Variants in PIK3C2G observed in about 807,000 individuals in gnomAD.
PIK3C2G encodes phosphatidylinositol-4-phosphate 3-kinase catalytic subunit type 2 gamma, also known as phosphatidylinositol 3-kinase C2 domain-containing subunit gamma.
PIK3C2G carries 168 observed loss-of-function variants against 181.1 expected under a neutral mutation model. The ratio of observed to expected loss-of-function variants is 0.93; its 90% CI spans 0.82 to 1.05. The LOEUF is 1.05. Among genes scored for constraint, PIK3C2G ranks in the 50% least tolerant of loss-of-function variants. The pLI is 0.00. For missense variants in PIK3C2G, 1,869 were observed against 1,732.8 expected, an observed-to-expected ratio of 1.08 and a Z score of -1.40; for synonymous variants, 573 against 592.2, an observed-to-expected ratio of 0.97 and a Z score of 0.47.
chr12:18,501,028 C>A (rs1941433789), intron 22 of PIK3C2G, among the ~76,000 whole-genome samples: 1 of 151,956 alleles, frequency 6.6e-6, no homozygotes, highest in African/African-American at 2.4e-5. Context: ...AGACCACGAA[C>A]CCACCAGAAG....
chr12:18,712,890 T>G, the PIK3C2G span: 1 of 1,613,942 alleles, frequency 6.2e-7, no homozygotes, highest in Non-Finnish European at 8.5e-7. Context: ...TAAACAGAAG[T>G]TTGCTTGTGA....
intron 18 of PIK3C2G, among the ~76,000 whole-genome samples, chr12:18,454,628 G>C (rs1012596747): frequency 1.3e-5 from 2 of 152,076 alleles, no homozygotes. Context: ...ATAGAATTAA[G>C]GAGACAAAGG....
rs541511685 is a variant in PIK3C2G at position 18,561,513 on chromosome 12, A to C, written c.3591-1190A>C. Among the ~76,000 whole-genome samples the C allele has an allele frequency of 3.3e-5, 5 of 152,330 alleles. 1 individual carries two copies. The South Asian group carries it at 6.2e-4, about 19-fold the overall frequency. ...AAAAAGGAAGTAGGGGCTAGGAAGC[A>C]CAAATTAAAAGTAGAATAAGCATAC... On this transcript the variant is annotated intron_variant, in intron 26 of 32. Transcript: ENST00000538779.
Position 18,478,017 on chromosome 12 carries a change from A to G in PIK3C2G, c.2505-10432A>G, listed in dbSNP as rs115679029. On this transcript the variant is annotated intron_variant, in intron 18 of 32. Coordinates refer to ENST00000538779, the MANE Select transcript of PIK3C2G (RefSeq NM_001288772.2). ...TATTCTTATGAAACATTCATATAGCAAAGGAATTGCCTTGCTGTTAAAAGA... is the reference window on the plus strand; with the variant it reads ...TATTCTTATGAAACATTCATATAGCGAAGGAATTGCCTTGCTGTTAAAAGA... Among the ~76,000 whole-genome samples the G allele has an allele frequency of 5.0e-3, 762 of 152,324 alleles. 4 individuals are homozygous for G. The highest frequency in any genetic ancestry group is 0.018 in the African/African-American group (734 of 41,586).
the PIK3C2G span, among the ~76,000 whole-genome samples, chr12:18,698,929 A>C: frequency 5.3e-5 from 8 of 152,234 alleles, no homozygotes; most frequent in South Asian, 1.7e-3. Flanking sequence ...TACCCCTGCT[A>C]CTAAAAAAAA....
At chr12:18,349,502 C>A (rs187884085) in intron 11 of PIK3C2G, among the ~76,000 whole-genome samples, 1 of 152,200 alleles carries the variant, frequency 6.6e-6, no homozygotes, top group East Asian at 1.9e-4. Flanking sequence ...TCAGGGAACA[C>A]CCCACTCAAG....
chr12:18,496,041 T>C (rs1940979330), intron 20 of PIK3C2G, 21 bp from the exon 21 acceptor site: 8 of 1,323,856 alleles, frequency 6.0e-6, no homozygotes, highest in Non-Finnish European at 8.3e-6. Context: ...TCACTAGTTT[T>C]CCCTTTTTCT....
intron 9 of PIK3C2G, among the ~76,000 whole-genome samples, chr12:18,339,141 C>T (rs902878933): frequency 6.6e-6 from 1 of 152,018 alleles, no homozygotes; most frequent in African/African-American, 2.4e-5. Context: ...TTTGAATTCT[C>T]AGAAATCTGA....
At chr12:18,314,187 A>G in intron 6 of PIK3C2G, 123 bp downstream of exon 6, 2 of 587,740 alleles carry the variant, frequency 3.4e-6, no homozygotes, top group South Asian at 2.3e-5. Context: ...TTATTTAAAT[A>G]TATTCATTGA....
chr12:18,348,301 T>C (rs1939874388), intron 11 of PIK3C2G, among the ~76,000 whole-genome samples: 1 of 151,902 alleles, frequency 6.6e-6, no homozygotes, highest in Non-Finnish European at 1.5e-5. Flanking sequence ...GTAAAATGCA[T>C]ATGAATATAA....
intron 24 of PIK3C2G, among the ~76,000 whole-genome samples, chr12:18,511,878 A>G (rs1378837901): frequency 6.6e-6 from 1 of 151,900 alleles, no homozygotes; most frequent in East Asian, 1.9e-4. Context: ...GTCTTATCCA[A>G]AAAAAATTGC....
At chr12:18,552,820 T>C (rs1944802897) in intron 26 of PIK3C2G, among the ~76,000 whole-genome samples, 1 of 152,160 alleles carries the variant, frequency 6.6e-6, no homozygotes, top group Non-Finnish European at 1.5e-5. Flanking sequence ...GGGGAAATGC[T>C]GTTTTTGAAT....
chr12:18,432,167 C>G (rs1463334369), intron 18 of PIK3C2G, among the ~76,000 whole-genome samples: 1 of 152,146 alleles, frequency 6.6e-6, no homozygotes, highest in Non-Finnish European at 1.5e-5. Flanking sequence ...AGCCTTATTA[C>G]TGCTAATAAA....
upstream of PIK3C2G, among the ~76,000 whole-genome samples, chr12:18,261,262 G>A (rs868635471): frequency 1.3e-5 from 2 of 152,024 alleles, no homozygotes; most frequent in African/African-American, 2.4e-5. Flanking sequence ...ATATATTTTC[G>A]TTTGTATATT....
At chr12:18,622,342 C>T (rs921726483) in intron 31 of PIK3C2G, among the ~76,000 whole-genome samples, 8 of 151,774 alleles carry the variant, frequency 5.3e-5, no homozygotes, top group African/African-American at 7.2e-5. Flanking sequence ...TTTTACTTAG[C>T]GTAATATTCT....
the PIK3C2G span, chr12:18,701,640 TCCTCCTCCTC>T: frequency 1.9e-6 from 3 of 1,573,304 alleles, no homozygotes; most frequent in South Asian, 3.4e-5. Flanking sequence ...CTCCTCCTCC[TCCTCCTCCTC>T]CTCTCCATCT....
At chr12:18,303,130 CTTT>C in intron 5 of PIK3C2G, among the ~76,000 whole-genome samples, 1 of 109,850 alleles carries the variant, frequency 9.1e-6, no homozygotes, top group South Asian at 2.7e-4. Flanking sequence ...TTCTTTCTTT[CTTT>C]CTTTCTTTTC....
At chr12:18,665,089 A>C in the PIK3C2G span, among the ~76,000 whole-genome samples, 3 of 151,808 alleles carry the variant, frequency 2.0e-5, no homozygotes, top group East Asian at 5.8e-4. Flanking sequence ...GCACAACAGC[A>C]TGGCACATGC....
At chr12:18,513,732 C>T (rs1354640002) in intron 24 of PIK3C2G, among the ~76,000 whole-genome samples, 1 of 151,610 alleles carries the variant, frequency 6.6e-6, no homozygotes. Flanking sequence ...ATCTTGTAAA[C>T]AGTTTATTAC....
Sources: allele counts gnomAD v4.1 joint callset (sites outside exome capture counted in the v4.1 genomes callset), GRCh38; gene constraint gnomAD v4.1.1; transcripts MANE v1.5; gene names NCBI Gene and HGNC (gene_info 2026-07-23, HGNC 2026-07-21).